The following SDK1 variants were observed in gnomAD, a reference collection of about 807,000 sequenced individuals.
SDK1 encodes the protein sidekick cell adhesion molecule 1.
SDK1 carries 157 observed loss-of-function variants against 245.5 expected under a neutral mutation model. The ratio of observed to expected loss-of-function variants is 0.64; its 90% CI spans 0.56 to 0.73. SDK1 has a LOEUF of 0.73. Among genes scored for constraint, SDK1 ranks in the 30% least tolerant of loss-of-function variants. The probability of loss-of-function intolerance (pLI) is 0.00; values close to 1 mark genes in which losing one functional copy is unlikely to be tolerated. For synonymous variants in SDK1, 1,647 were observed against 1,278.5 expected, an observed-to-expected ratio of 1.29 and a Z score of -6.15; for missense variants, 3,583 against 3,002.3, an observed-to-expected ratio of 1.19 and a Z score of -4.52.
intron 29 of SDK1, among the ~76,000 whole-genome samples, chr7:4,146,937 C>T (rs1057227260): frequency 4.6e-5 from 7 of 152,188 alleles, no homozygotes; most frequent in Non-Finnish European, 1.0e-4. Context: ...TCTGACACCA[C>T]GAGGCCGACT....
chr7:4,214,476 T>C (rs1329043335), intron 38 of SDK1, among the ~76,000 whole-genome samples: 1 of 152,236 alleles, frequency 6.6e-6, no homozygotes, highest in Non-Finnish European at 1.5e-5. Context: ...TCCTGGATTT[T>C]CCTGGCTTTG....
chr7:3,302,089 C>G, intron 1 of SDK1: 1 of 261,270 alleles, frequency 3.8e-6, no homozygotes, highest in Non-Finnish European at 6.4e-6. Context: ...TGCACCCCGT[C>G]TGCTACTTTG....
intron 1 of SDK1, among the ~76,000 whole-genome samples, chr7:3,481,553 A>G (rs1781523738): frequency 6.6e-6 from 1 of 152,214 alleles, no homozygotes. Flanking sequence ...AACGAGGGCA[A>G]AGAATTAGGT....
intron 30 of SDK1, among the ~76,000 whole-genome samples, chr7:4,151,845 T>C (rs1175006773): frequency 6.6e-6 from 1 of 152,174 alleles, no homozygotes; most frequent in African/African-American, 2.4e-5. Context: ...CGTCTCTAAA[T>C]GGAAGGGATA....
At chr7:3,985,544 C>G (rs556321843) in intron 13 of SDK1, among the ~76,000 whole-genome samples, 1 of 152,052 alleles carries the variant, frequency 6.6e-6, no homozygotes, top group African/African-American at 2.4e-5. Flanking sequence ...CCCAGCACTT[C>G]GAGAGGCCGA....
At chr7:3,535,755 G>A (rs1048300050) in intron 1 of SDK1, among the ~76,000 whole-genome samples, 3 of 152,034 alleles carry the variant, frequency 2.0e-5, no homozygotes, top group African/African-American at 7.2e-5. Flanking sequence ...ATAAATACAT[G>A]TAGTTAAAAC....
intron 4 of SDK1, among the ~76,000 whole-genome samples, chr7:3,720,148 C>G (rs534175713): frequency 1.3e-5 from 2 of 151,854 alleles, no homozygotes; most frequent in Non-Finnish European, 2.9e-5. Flanking sequence ...ACCAGCCACT[C>G]GGGAGGCTGA....
intron 1 of SDK1, among the ~76,000 whole-genome samples, chr7:3,405,814 C>CTTTTTTT (rs534692477): frequency 8.0e-6 from 1 of 125,392 alleles, no homozygotes; most frequent in African/African-American, 3.1e-5. Context: ...TTCTTTCTTT[C>CTTTTTTT]TTTTTTTTTT....
chr7:3,813,301 C>A (rs973714619), intron 4 of SDK1, among the ~76,000 whole-genome samples: 27 of 142,936 alleles, frequency 1.9e-4, no homozygotes, highest in Admixed American at 7.9e-4. Context: ...GTGATATTCC[C>A]CTTCCTGTGT....
intron 1 of SDK1, among the ~76,000 whole-genome samples, chr7:3,353,752 T>G (rs1780720682): frequency 6.6e-6 from 1 of 152,178 alleles, no homozygotes; most frequent in Non-Finnish European, 1.5e-5. Flanking sequence ...AAAGGGAGCA[T>G]GCTTCCTTTT....
chr7:3,400,126 G>A (rs1272814204), intron 1 of SDK1, among the ~76,000 whole-genome samples: 3 of 151,644 alleles, frequency 2.0e-5, no homozygotes, highest in Non-Finnish European at 4.4e-5. Flanking sequence ...TCCCTCTGGT[G>A]GCTACAGGAC....
At chr7:3,856,440 C>G (rs114363619) in intron 5 of SDK1, among the ~76,000 whole-genome samples, 1 of 144,582 alleles carries the variant, frequency 6.9e-6, no homozygotes, top group Non-Finnish European at 1.5e-5. Context: ...ACAAGACTAA[C>G]TTCAACCCAA....
At chr7:3,856,028 T>G (rs574639513) in intron 5 of SDK1, among the ~76,000 whole-genome samples, 1 of 152,184 alleles carries the variant, frequency 6.6e-6, no homozygotes, top group Admixed American at 6.5e-5. Context: ...TGTTTATTAT[T>G]GATAGCATTA....
chr7:3,882,839 A>G (rs1035743953), intron 5 of SDK1, among the ~76,000 whole-genome samples: 5 of 152,222 alleles, frequency 3.3e-5, no homozygotes, highest in African/African-American at 1.2e-4. Context: ...TATAATTTAG[A>G]CATTCTCTGC....
In SDK1 at chr7:4,265,612, T is replaced by C. The variant is rs1788419500; in HGVS notation, c.*228T>C. ...GAAGCAGGTTTGTTTCTTTTTCTTTTCTTTTTAAGAGAAGGTGTATTTCAC... is the reference window on the plus strand; with the variant it reads ...GAAGCAGGTTTGTTTCTTTTTCTTTCCTTTTTAAGAGAAGGTGTATTTCAC... On this transcript the variant is annotated 3_prime_UTR_variant, in exon 45 of 45. Transcript: ENST00000404826. 2.2e-6 allele frequency: 3 copies of C among 1,335,550 alleles called. No individual in the cohort carries two copies. Among genetic ancestry groups the C allele is most frequent in the Non-Finnish European group, 1.9e-6 (2 of 1,052,284 alleles). The allele number at this position is 1,335,550 out of a possible 1,614,324, so 82.7% of individuals were successfully genotyped here.
chr7:4,226,936 AT>A (rs112497435), intron 40 of SDK1, among the ~76,000 whole-genome samples: 44,235 of 147,544 alleles, frequency 0.3, 6,573 homozygotes, highest in Non-Finnish European at 0.33. Context: ...ATTGTATTGC[AT>A]TTTTTTTTTT....
chr7:4,233,207 G>C, intron 40 of SDK1, 48 bp from the exon 41 acceptor site: 4 of 1,576,014 alleles, frequency 2.5e-6, no homozygotes, highest in Non-Finnish European at 3.5e-6. Context: ...TCGCATCTGG[G>C]ACTTCGCACT....
At chr7:3,334,604 A>G (rs1780152325) in intron 1 of SDK1, among the ~76,000 whole-genome samples, 1 of 152,120 alleles carries the variant, frequency 6.6e-6, no homozygotes, top group Non-Finnish European at 1.5e-5. Context: ...AGCCTCGCCC[A>G]GCACATGGCA....
At chr7:3,398,448 A>G (rs187484165) in intron 1 of SDK1, among the ~76,000 whole-genome samples, 9 of 151,762 alleles carry the variant, frequency 5.9e-5, no homozygotes, top group African/African-American at 1.9e-4. Context: ...TGAGACAGGG[A>G]TGCTAGAGGG....
Sources: allele counts gnomAD v4.1 joint callset (sites outside exome capture counted in the v4.1 genomes callset), GRCh38; gene constraint gnomAD v4.1.1; transcripts MANE v1.5; gene names NCBI Gene and HGNC (gene_info 2026-07-23, HGNC 2026-07-21).